The following ATP9B variants were observed in gnomAD, a reference collection of about 807,000 sequenced individuals.
ATP9B encodes probable phospholipid-transporting ATPase IIB.
Under a neutral mutation model 146.1 loss-of-function variants are expected in ATP9B, and 110 were observed. That is an observed-to-expected ratio of 0.75 (90% CI 0.65 to 0.88). The LOEUF is 0.88. ATP9B is among the 40% of genes least tolerant of loss of function. ATP9B has a pLI of 0.00. For missense variants in ATP9B, 1,499 were observed against 1,496.4 expected (o/e 1.00, Z -0.03); for synonymous variants, 604 against 569.7 (o/e 1.06, Z -0.86).
chr18:79,124,699 T>A (rs1403338238), intron 4 of ATP9B, among the ~76,000 whole-genome samples: 2 of 152,210 alleles, frequency 1.3e-5, no homozygotes, highest in Non-Finnish European at 2.9e-5. Context: ...TAGAGATCTG[T>A]CTATTCGTAA....
chr18:79,322,814 A>G (rs1211860369), intron 15 of ATP9B, among the ~76,000 whole-genome samples: 1 of 152,240 alleles, frequency 6.6e-6, no homozygotes, highest in Non-Finnish European at 1.5e-5. Context: ...GTCAAATTCT[A>G]GGTGCCTCCC....
At chr18:79,327,620 C>A (rs73003835) in intron 15 of ATP9B, among the ~76,000 whole-genome samples, 6 of 34,808 alleles carry the variant, frequency 1.7e-4, no homozygotes, top group African/African-American at 5.7e-4. Context: ...CGTGCCCTCC[C>A]TGGTTAGTGT....
At chr18:79,081,013 C>T (rs1175841029) in intron 1 of ATP9B, among the ~76,000 whole-genome samples, 1 of 152,088 alleles carries the variant, frequency 6.6e-6, no homozygotes, top group Non-Finnish European at 1.5e-5. Flanking sequence ...CTGCTGGATT[C>T]GGTTTGCCAG....
chr18:79,318,669 CAACTT>C (rs1221181072), intron 15 of ATP9B, among the ~76,000 whole-genome samples: 1 of 152,208 alleles, frequency 6.6e-6, no homozygotes, highest in Non-Finnish European at 1.5e-5. Context: ...ATTTTATTGA[CAACTT>C]GAAGAAACAC....
chr18:79,171,354 G>A (rs1377534950), intron 7 of ATP9B, among the ~76,000 whole-genome samples: 1 of 152,106 alleles, frequency 6.6e-6, no homozygotes, highest in East Asian at 1.9e-4. Context: ...TTTTATACTA[G>A]TATAGTTGAG....
intron 12 of ATP9B, among the ~76,000 whole-genome samples, chr18:79,261,268 A>G (rs1330305585): frequency 7.2e-5 from 11 of 152,212 alleles, no homozygotes; most frequent in Non-Finnish European, 1.5e-4. Flanking sequence ...CCCCCAGAAC[A>G]TGTGCCCATA....
intron 2 of ATP9B, among the ~76,000 whole-genome samples, chr18:79,106,980 T>C (rs1450483786): frequency 6.6e-6 from 1 of 152,238 alleles, no homozygotes; most frequent in Non-Finnish European, 1.5e-5. Flanking sequence ...CTAAATTTTA[T>C]ATGTATCTTT....
chr18:79,259,037 T>C (rs2096113690), intron 12 of ATP9B, among the ~76,000 whole-genome samples: 1 of 152,246 alleles, frequency 6.6e-6, no homozygotes, highest in South Asian at 2.1e-4. Context: ...TTGCACAGTA[T>C]ACAAATCTGT....
chr18:79,348,096 C>A, intron 24 of ATP9B, 36 bp from the exon 25 acceptor site: 1 of 1,612,298 alleles, frequency 6.2e-7, no homozygotes, highest in Non-Finnish European at 8.5e-7. Context: ...GCTCGTGGAA[C>A]TGACAGTTGT....
At chr18:79,344,556 C>T (rs1183134528) in intron 21 of ATP9B, among the ~76,000 whole-genome samples, 1 of 152,218 alleles carries the variant, frequency 6.6e-6, no homozygotes, top group Non-Finnish European at 1.5e-5. Flanking sequence ...GCATCAAGGC[C>T]TTCTTGAGTC....
At chr18:79,166,561 C>G (rs775642156) in intron 7 of ATP9B, among the ~76,000 whole-genome samples, 3 of 152,118 alleles carry the variant, frequency 2.0e-5, no homozygotes, top group Non-Finnish European at 4.4e-5. Context: ...TCTCAGGAGT[C>G]AATGGAGAAG....
At chr18:79,330,446 ACT>A (rs1403774360) in intron 17 of ATP9B, among the ~76,000 whole-genome samples, 1 of 150,060 alleles carries the variant, frequency 6.7e-6, no homozygotes, top group Non-Finnish European at 1.5e-5. Flanking sequence ...AGACAGACAC[ACT>A]GTCACCCAGG....
At chr18:79,371,744 G>T (rs1264285886) in intron 26 of ATP9B, among the ~76,000 whole-genome samples, 1 of 152,208 alleles carries the variant, frequency 6.6e-6, no homozygotes, top group Non-Finnish European at 1.5e-5. Flanking sequence ...CTTCCCTGCT[G>T]TCTTCTGTGT....
intron 15 of ATP9B, among the ~76,000 whole-genome samples, chr18:79,321,403 G>A (rs2096715208): frequency 6.7e-6 from 1 of 148,222 alleles, no homozygotes; most frequent in Non-Finnish European, 1.5e-5. Flanking sequence ...TTTTTTTTGA[G>A]GCAGAGTCTC....
chr18:79,147,655 G>A (rs1192418870), intron 6 of ATP9B, among the ~76,000 whole-genome samples: 2 of 152,088 alleles, frequency 1.3e-5, no homozygotes, highest in Non-Finnish European at 2.9e-5. Context: ...TCTGGAATAA[G>A]TGGGATGCGT....
At chr18:79,071,586 A>G (rs771903731) in intron 1 of ATP9B, among the ~76,000 whole-genome samples, 53 of 151,740 alleles carry the variant, frequency 3.5e-4, no homozygotes, top group Non-Finnish European at 7.1e-4. Context: ...GCATCTTGCT[A>G]TATTGCCCAA....
In ATP9B at chr18:79,345,873, C is replaced by T. The variant is rs755057522; in HGVS notation, c.2682+34C>T. 12 of 1,610,096 alleles carry T rather than the reference C, an allele frequency of 7.5e-6. No homozygotes were observed. In the South Asian group the frequency reaches 1.3e-4, roughly 18 times the overall value. On this transcript the variant is annotated intron_variant, in intron 23 of 29. Coordinates refer to ENST00000426216, the MANE Select transcript of ATP9B (RefSeq NM_198531.5). ...GCCCTTTTATCAACACATTAGCACA[C>T]AGTCAGCACACATCAACACGACTCA...
At chr18:79,138,986 C>T (rs557206111) in intron 5 of ATP9B, among the ~76,000 whole-genome samples, 16 of 152,074 alleles carry the variant, frequency 1.1e-4, no homozygotes, top group Non-Finnish European at 1.5e-4. Flanking sequence ...GGGGATCACC[C>T]GAGCCAGGGA....
chr18:79,221,768 GTA>G (rs1440658037), intron 11 of ATP9B, among the ~76,000 whole-genome samples: 1 of 150,232 alleles, frequency 6.7e-6, no homozygotes, highest in South Asian at 2.1e-4. Flanking sequence ...TTAAGTTGAT[GTA>G]TGTTAGGTAT....
Sources: allele counts gnomAD v4.1 joint callset (sites outside exome capture counted in the v4.1 genomes callset), GRCh38; gene constraint gnomAD v4.1.1; transcripts MANE v1.5; gene names NCBI Gene and HGNC (gene_info 2026-07-23, HGNC 2026-07-21).